The following CLSTN2 variants were observed in gnomAD, a reference collection of about 807,000 sequenced individuals.
CLSTN2 encodes calsyntenin 2.
In CLSTN2, 48 loss-of-function variants were observed where a neutral mutation model predicts 101.2. The ratio of observed to expected loss-of-function variants is 0.47; its 90% CI spans 0.38 to 0.60. The LOEUF (loss-of-function observed/expected upper bound fraction) is 0.60. Ranked by LOEUF, CLSTN2 falls within the 20% of genes least tolerant of loss-of-function variation. CLSTN2 has a pLI of 0.00. For missense variants in CLSTN2, 1,160 were observed against 1,238.2 expected, an observed-to-expected ratio of 0.94 and a Z score of 0.95; for synonymous variants, 481 against 463.6, an observed-to-expected ratio of 1.04 and a Z score of -0.48.
Position 140,521,318 on chromosome 3 carries a change from G to T in CLSTN2, c.1345-11006G>T, listed in dbSNP as rs116299984. ...TTGCTGACCTTTGAATGGGATTTTTGTTGATGTTATTTTCTGTTTGTTTTT... is the reference window on the plus strand; with the variant it reads ...TTGCTGACCTTTGAATGGGATTTTTTTTGATGTTATTTTCTGTTTGTTTTT... On this transcript the variant is annotated intron_variant, in intron 8 of 16. Coordinates refer to ENST00000458420, the MANE Select transcript of CLSTN2 (RefSeq NM_022131.3). Among the ~76,000 whole-genome samples the T allele has an allele frequency of 5.6e-3, 857 of 152,234 alleles. 7 individuals are homozygous for T. Among genetic ancestry groups the T allele is most frequent in the African/African-American group, 0.019 (804 of 41,540 alleles).
chr3:140,080,689 T>G (rs1162568866), intron 1 of CLSTN2, among the ~76,000 whole-genome samples: 1 of 152,180 alleles, frequency 6.6e-6, no homozygotes, highest in African/African-American at 2.4e-5. Flanking sequence ...GTTCAAGCTA[T>G]TTGGCTGTAT....
chr3:140,179,637 A>C (rs1030012054), intron 2 of CLSTN2, among the ~76,000 whole-genome samples: 3 of 149,158 alleles, frequency 2.0e-5, no homozygotes, highest in South Asian at 2.1e-4. Context: ...AAAAAAAAAA[A>C]AAAAAAAAAA....
chr3:140,042,446 G>T (rs1299231779), intron 1 of CLSTN2, among the ~76,000 whole-genome samples: 1 of 152,074 alleles, frequency 6.6e-6, no homozygotes, highest in Non-Finnish European at 1.5e-5. Context: ...TCATTGTATG[G>T]ATGTACCCCA....
At chr3:140,029,735 T>C (rs1299974540) in intron 1 of CLSTN2, among the ~76,000 whole-genome samples, 1 of 152,178 alleles carries the variant, frequency 6.6e-6, no homozygotes, top group Non-Finnish European at 1.5e-5. Context: ...TTTTTCCCAA[T>C]ATTTTAAAGT....
chr3:140,171,157 G>A (rs2010206504), intron 1 of CLSTN2, among the ~76,000 whole-genome samples: 1 of 152,164 alleles, frequency 6.6e-6, no homozygotes. Context: ...AAAGAGCAAA[G>A]GAGTGTGGGG....
intron 2 of CLSTN2, among the ~76,000 whole-genome samples, chr3:140,246,620 A>T (rs899133250): frequency 2.0e-5 from 3 of 152,230 alleles, no homozygotes; most frequent in Non-Finnish European, 4.4e-5. Context: ...TGCCCAGCAC[A>T]TCGTAAGTGC....
chr3:140,316,197 C>G (rs1486446862), intron 2 of CLSTN2, among the ~76,000 whole-genome samples: 1 of 152,114 alleles, frequency 6.6e-6, no homozygotes, highest in East Asian at 1.9e-4. Context: ...CCATTCAGTG[C>G]AAGCAGTGAG....
chr3:140,195,843 A>G (rs2010636339), intron 2 of CLSTN2, among the ~76,000 whole-genome samples: 1 of 152,212 alleles, frequency 6.6e-6, no homozygotes, highest in Non-Finnish European at 1.5e-5. Context: ...CGTCTCAAAG[A>G]TGGGTGCTTT....
chr3:140,070,035 A>G (rs915482883), intron 1 of CLSTN2, among the ~76,000 whole-genome samples: 1 of 152,246 alleles, frequency 6.6e-6, no homozygotes, highest in Non-Finnish European at 1.5e-5. Context: ...AAAGTGCTCC[A>G]TAAACCTGAC....
chr3:140,237,717 A>G (rs2086429597), intron 2 of CLSTN2, among the ~76,000 whole-genome samples: 1 of 152,182 alleles, frequency 6.6e-6, no homozygotes, highest in South Asian at 2.1e-4. Flanking sequence ...CCTGTTGTAC[A>G]ATACCTGACA....
rs1287535610 is a variant in CLSTN2, at chr3:140,574,360, G to T, written c.*8107G>T. 2 of 152,230 alleles carry T rather than the reference G, an allele frequency of 1.3e-5. No individual in the cohort carries two copies. The highest frequency in any genetic ancestry group is 4.8e-5 in the African/African-American group (2 of 41,456). The allele number at this position is 152,230 out of a possible 1,614,324, so 9.4% of individuals were successfully genotyped here. ...TTCCTAGCTATAGTCAGTAAATGGA[G>T]CCCCTAAGCAAGGAGCAGGGGTAGA... is the stretch of plus-strand genomic sequence containing the variant. On this transcript the variant is annotated 3_prime_UTR_variant, in exon 17 of 17. Coordinates refer to ENST00000458420, the MANE Select transcript of CLSTN2 (RefSeq NM_022131.3).
intron 1 of CLSTN2, among the ~76,000 whole-genome samples, chr3:139,998,489 C>T (rs2006742373): frequency 6.6e-6 from 1 of 151,478 alleles, no homozygotes; most frequent in South Asian, 2.1e-4. Flanking sequence ...ACCACAGGCG[C>T]CCGCCACCAC....
chr3:140,316,435 T>G (rs1054047125), intron 2 of CLSTN2, among the ~76,000 whole-genome samples: 1 of 152,196 alleles, frequency 6.6e-6, no homozygotes. Context: ...CTAGTACAAG[T>G]AGGCACCTGC....
At chr3:140,083,113 A>C (rs115189418) in intron 1 of CLSTN2, among the ~76,000 whole-genome samples, 225 of 152,318 alleles carry the variant, frequency 1.5e-3, no homozygotes, top group African/African-American at 5.2e-3. Flanking sequence ...GCTCATTTTT[A>C]TAAGAACTCA....
chr3:140,068,336 C>T (rs1878984), intron 1 of CLSTN2, among the ~76,000 whole-genome samples: 62,854 of 152,046 alleles, frequency 0.41, 15,124 homozygotes, highest in African/African-American at 0.65. Context: ...TCTTTACAAA[C>T]AGACTCAATG....
intron 8 of CLSTN2, among the ~76,000 whole-genome samples, chr3:140,480,519 C>A (rs1470085014): frequency 6.6e-6 from 1 of 152,206 alleles, no homozygotes; most frequent in African/African-American, 2.4e-5. Flanking sequence ...GAGGAATCGC[C>A]AACTGACTTC....
chr3:140,420,486 G>A (rs9653942), intron 4 of CLSTN2, among the ~76,000 whole-genome samples: 88,946 of 152,056 alleles, frequency 0.58, 28,507 homozygotes, highest in African/African-American at 0.86. Flanking sequence ...ACTATAATAT[G>A]AAACCCACAG....
rs541467522 is a variant in CLSTN2 at position 140,508,575 on chromosome 3, G to A, written c.1345-23749G>A. On this transcript the variant is annotated intron_variant, in intron 8 of 16. Transcript: ENST00000458420. ...GAAGACAATTCCTATTTGGAGGCAA[G>A]CGATCTGCTTAGTCTTTGTGCAGTT... 2.0e-5 allele frequency: 3 copies of A among 152,362 alleles called. No homozygotes were observed. In the South Asian group the frequency reaches 6.2e-4, roughly 32 times the overall value. 9.4% of individuals were successfully genotyped at this position (152,362 alleles called of 1,614,324 possible). A position where few individuals can be genotyped will look rare whatever the true frequency, so the allele number is the denominator to read the frequency against.
In CLSTN2 at chr3:140,562,942, G is replaced by A; in HGVS notation, c.2344G>A (p.Glu782Lys). The change falls in exon 14 of 17, where the codon GAG becomes AAG. Residue 782 changes from glutamate to lysine, a missense_variant. By Grantham distance (56) the Glu-to-Lys change is moderately conservative. Coordinates refer to ENST00000458420, the MANE Select transcript of CLSTN2 (RefSeq NM_022131.3). ...SELNGRYTSN[E>K]FNLEVSILHE... ...ACTCAATGGGCGCTACACTAGCAATGAGTTCAACTTGGAGGTGAGTGGGTC... is the reference window on the plus strand; with the variant it reads ...ACTCAATGGGCGCTACACTAGCAATAAGTTCAACTTGGAGGTGAGTGGGTC... The A allele has an allele frequency of 6.2e-7, 1 of 1,614,140 alleles. No homozygotes were observed. The highest frequency in any genetic ancestry group is 8.5e-7 in the Non-Finnish European group (1 of 1,180,012).
Sources: gnomAD v4.1 joint callset for allele counts (sites outside exome capture counted in the v4.1 genomes callset) on GRCh38, gnomAD v4.1.1 for gene constraint, MANE v1.5 for transcripts, NCBI Gene and HGNC (gene_info 2026-07-23, HGNC 2026-07-21) for gene names.